The following PLD5 variants were observed in gnomAD, a reference collection of about 807,000 sequenced individuals.
PLD5 encodes the protein inactive phospholipase D5.
A neutral mutation model predicts 61.1 loss-of-function variants in PLD5; 36 were observed. The observed-to-expected ratio is 0.59, with a 90% CI of 0.45 to 0.78. The LOEUF is 0.78. Among genes scored for constraint, PLD5 ranks in the 30% least tolerant of loss-of-function variants. PLD5 has a pLI of 0.00. For missense variants in PLD5, 515 were observed against 644.4 expected, an observed-to-expected ratio of 0.80 and a Z score of 2.17; for synonymous variants, 243 against 242.8, an observed-to-expected ratio of 1.00 and a Z score of -0.01.
At chr1:242,177,155 G>A (rs1667206881) in intron 5 of PLD5, among the ~76,000 whole-genome samples, 1 of 151,404 alleles carries the variant, frequency 6.6e-6, no homozygotes, top group African/African-American at 2.4e-5. Flanking sequence ...GTTCACAGTA[G>A]CAACCCAAAT....
At chr1:242,481,150 G>T (rs1667761021) in intron 1 of PLD5, among the ~76,000 whole-genome samples, 3 of 152,166 alleles carry the variant, frequency 2.0e-5, no homozygotes, top group Admixed American at 2.0e-4. Flanking sequence ...GAAGACGAAT[G>T]ATTTCTGCAT....
At chr1:242,115,466 G>A (rs1325984749) in intron 6 of PLD5, among the ~76,000 whole-genome samples, 1 of 151,914 alleles carries the variant, frequency 6.6e-6, no homozygotes, top group East Asian at 1.9e-4. Context: ...CTTGCTTTCA[G>A]TGTACACACT....
chr1:242,512,262 A>G (rs1434081766), intron 1 of PLD5, among the ~76,000 whole-genome samples: 1 of 151,706 alleles, frequency 6.6e-6, no homozygotes, highest in Non-Finnish European at 1.5e-5. Context: ...ATACAAAAAA[A>G]AAAAAAAATT....
rs186405421 is a variant in PLD5 at position 242,207,293 on chromosome 1, C to T, written c.735+12695G>A. On this transcript the variant is annotated intron_variant, in intron 5 of 9. Coordinates refer to ENST00000536534, the MANE Select transcript of PLD5 (RefSeq NM_001372062.1). ...CCCTCCTTAATCATGGCCATCAGCC[C>T]GCTCCCCGCTTTCCCCACTGCTCAC... 6.6e-5 allele frequency among the ~76,000 whole-genome samples: 10 copies of T among 152,244 alleles called. No homozygotes were observed. The East Asian group carries it at 7.7e-4, about 12-fold the overall frequency.
At chr1:242,346,736 C>T (rs1323138026) in intron 2 of PLD5, among the ~76,000 whole-genome samples, 3 of 152,074 alleles carry the variant, frequency 2.0e-5, no homozygotes, top group Non-Finnish European at 2.9e-5. Context: ...CTGCAGAGAT[C>T]ATCCCATCAC....
At chr1:242,460,096 G>A (rs1667070476) in intron 1 of PLD5, among the ~76,000 whole-genome samples, 3 of 151,634 alleles carry the variant, frequency 2.0e-5, no homozygotes, top group African/African-American at 7.2e-5. Flanking sequence ...CTAAGGCTCT[G>A]TTAGAAATTA....
At chr1:242,312,211 T>C (rs12138320) in intron 2 of PLD5, among the ~76,000 whole-genome samples, 9,057 of 148,692 alleles carry the variant, frequency 0.061, 325 homozygotes, top group Middle Eastern at 0.1. Flanking sequence ...TGAAGATTTA[T>C]TTTGTTCCTT....
At chr1:242,158,397 A>G (rs1665560327) in intron 5 of PLD5, among the ~76,000 whole-genome samples, 2 of 152,164 alleles carry the variant, frequency 1.3e-5, no homozygotes, top group Admixed American at 1.3e-4. Flanking sequence ...TGTCTGCTGG[A>G]ATGGCTACCC....
intron 2 of PLD5, among the ~76,000 whole-genome samples, chr1:242,330,571 C>T (rs1659107525): frequency 6.6e-6 from 1 of 152,182 alleles, no homozygotes; most frequent in South Asian, 2.1e-4. Context: ...CTCACACATT[C>T]TTGATGGTAG....
chr1:242,356,305 T>A (rs993937440), intron 1 of PLD5, among the ~76,000 whole-genome samples: 4 of 152,068 alleles, frequency 2.6e-5, no homozygotes, highest in African/African-American at 4.8e-5. Flanking sequence ...GACCCCTTTA[T>A]CATTATATAA....
At chr1:242,220,829 C>A (rs934012056) in intron 4 of PLD5, among the ~76,000 whole-genome samples, 1 of 151,660 alleles carries the variant, frequency 6.6e-6, no homozygotes, top group Non-Finnish European at 1.5e-5. Flanking sequence ...CTCCACCTCC[C>A]AGGTTTAAGT....
At chr1:242,379,305 C>T (rs1290834223) in intron 1 of PLD5, among the ~76,000 whole-genome samples, 1 of 152,120 alleles carries the variant, frequency 6.6e-6, no homozygotes, top group Non-Finnish European at 1.5e-5. Context: ...CATGCTAGAG[C>T]ACACCAGGAC....
intron 5 of PLD5, among the ~76,000 whole-genome samples, chr1:242,159,170 C>T (rs4039790): frequency 0.46 from 69,634 of 151,514 alleles, 17,134 homozygotes; most frequent in African/African-American, 0.64. Flanking sequence ...TAGACGAACG[C>T]AAATTTTTTT....
intron 1 of PLD5, among the ~76,000 whole-genome samples, chr1:242,512,647 A>C (rs1191643669): frequency 6.6e-6 from 1 of 152,192 alleles, no homozygotes; most frequent in East Asian, 1.9e-4. Flanking sequence ...TGAAACTCCC[A>C]AAACAGTCTA....
rs567040045 is a variant in PLD5, at chr1:242,100,565, T to C, written c.1354+103A>G. The C allele has an allele frequency of 4.0e-4, 320 of 791,334 alleles. 1 individual carries two copies. Among genetic ancestry groups the C allele is most frequent in the South Asian group, 3.7e-3 (229 of 62,434 alleles). The allele number at this position is 791,334 out of a possible 1,614,324, so 49.0% of individuals were successfully genotyped here. A position where few individuals can be genotyped will look rare whatever the true frequency, so the allele number is the denominator to read the frequency against. ...TTTCCCCTCATTCACCAGCAGTGGT[T>C]CCCAAGGCCTTGCTTCCTCACCAGG... On this transcript the variant is annotated intron_variant, in intron 9 of 9. Transcript: ENST00000536534.
At chr1:242,476,705 G>A (rs1311731985) in intron 1 of PLD5, among the ~76,000 whole-genome samples, 1 of 152,144 alleles carries the variant, frequency 6.6e-6, no homozygotes. Flanking sequence ...TATAGATCAA[G>A]GCCAGACCAA....
At chr1:242,140,030 C>G (rs939001691) in intron 5 of PLD5, among the ~76,000 whole-genome samples, 2 of 152,206 alleles carry the variant, frequency 1.3e-5, no homozygotes, top group Non-Finnish European at 2.9e-5. Flanking sequence ...TCCTGGCAAG[C>G]AGTACCTAGA....
intron 6 of PLD5, among the ~76,000 whole-genome samples, chr1:242,123,807 C>T (rs1237981075): frequency 1.3e-5 from 2 of 152,200 alleles, no homozygotes; most frequent in African/African-American, 4.8e-5. Flanking sequence ...TGCCCCTTTC[C>T]AGTAACATCT....
In PLD5 at chr1:242,345,855, C is replaced by T. The variant is rs141530317; in HGVS notation, c.326+2251G>A. On this transcript the variant is annotated intron_variant, in intron 2 of 9. Coordinates refer to ENST00000536534, the MANE Select transcript of PLD5 (RefSeq NM_001372062.1). ...GAGAGAAGGGCAAAAGCAGAAACTTCCTGGGGGTGAAGTTAGGGGAAGCAA... is the reference window on the plus strand; with the variant it reads ...GAGAGAAGGGCAAAAGCAGAAACTTTCTGGGGGTGAAGTTAGGGGAAGCAA... The T allele has an allele frequency of 4.3e-3, 1,429 of 330,020 alleles. 13 individuals are homozygous for T. Among genetic ancestry groups the T allele is most frequent in the African/African-American group, 0.028 (1,296 of 46,994 alleles). 20.4% of individuals were successfully genotyped at this position (330,020 alleles called of 1,614,324 possible).
Sources: gnomAD v4.1 joint callset for allele counts (sites outside exome capture counted in the v4.1 genomes callset) on GRCh38, gnomAD v4.1.1 for gene constraint, MANE v1.5 for transcripts, NCBI Gene and HGNC (gene_info 2026-07-23, HGNC 2026-07-21) for gene names.